ANO3: variants seen among roughly 807,000 people sequenced by gnomAD.
The protein encoded by ANO3 is anoctamin 3.
A neutral mutation model predicts 144.8 loss-of-function variants in ANO3; 99 were observed. The ratio of observed to expected loss-of-function variants is 0.68; its 90% CI spans 0.58 to 0.81. The LOEUF is 0.81. Among genes scored for constraint, ANO3 ranks in the 30% least tolerant of loss-of-function variants. The pLI is 0.00. For missense variants in ANO3, 905 were observed against 1,202.2 expected (o/e 0.75, Z 3.66); for synonymous variants, 414 against 392.6 (o/e 1.05, Z -0.64).
At chr11:26,363,419 G>A (rs1855979126) in intron 1 of ANO3, among the ~76,000 whole-genome samples, 1 of 151,918 alleles carries the variant, frequency 6.6e-6, no homozygotes, top group Non-Finnish European at 1.5e-5. Context: ...GGTTTCTCTG[G>A]GGGCCTCTCT....
At chr11:26,630,343 T>G (rs1452144344) in intron 18 of ANO3, among the ~76,000 whole-genome samples, 1 of 152,242 alleles carries the variant, frequency 6.6e-6, no homozygotes, top group Non-Finnish European at 1.5e-5. Context: ...CAATTTGGAG[T>G]ACTTTACATC....
chr11:26,601,260 TTGATACTCA>T (rs1323675602), intron 17 of ANO3, among the ~76,000 whole-genome samples: 3 of 152,336 alleles, frequency 2.0e-5, no homozygotes, highest in African/African-American at 7.2e-5. Flanking sequence ...CCAAATGTGA[TTGATACTCA>T]TGTTACTTGT....
At chr11:26,491,291 T>G in intron 4 of ANO3, among the ~76,000 whole-genome samples, 1 of 152,172 alleles carries the variant, frequency 6.6e-6, no homozygotes, top group East Asian at 1.9e-4. Flanking sequence ...TTTTGATAAC[T>G]CTCTAATTTG....
At chr11:26,552,769 G>T (rs976101718) in intron 12 of ANO3, among the ~76,000 whole-genome samples, 2 of 151,936 alleles carry the variant, frequency 1.3e-5, no homozygotes, top group African/African-American at 2.4e-5. Flanking sequence ...ACATAAAAAA[G>T]CAATTATTTT....
chr11:26,542,182 C>T (rs909211601), intron 11 of ANO3, 114 bp downstream of exon 11: 3 of 1,180,642 alleles, frequency 2.5e-6, no homozygotes, highest in Non-Finnish European at 2.3e-6. Flanking sequence ...AAAAAAGCAA[C>T]CACTATAAGA....
At chr11:26,391,939 C>G (rs991690745) in intron 1 of ANO3, among the ~76,000 whole-genome samples, 4 of 152,038 alleles carry the variant, frequency 2.6e-5, no homozygotes, top group African/African-American at 9.7e-5. Context: ...ATTTTGATGT[C>G]TCAGTCATAA....
rs200670635 is a variant in ANO3 at position 26,430,686 on chromosome 11, GA to G, written c.47-11225del. Among the ~76,000 whole-genome samples the G allele has an allele frequency of 5.3e-5, 8 of 151,976 alleles. No individual in the cohort carries two copies. The South Asian group carries it at 1.2e-3, about 24-fold the overall frequency. Reference sequence around the variant, plus strand: ...ATACATAAAGTACTGCTCCTTTGGGGAAAAAAATCAATGAAATAGACAAACC... The same window carrying G: ...ATACATAAAGTACTGCTCCTTTGGGGAAAAAATCAATGAAATAGACAAACC... On this transcript the variant is annotated intron_variant, in intron 1 of 26. Transcript: ENST00000256737.
intron 1 of ANO3, among the ~76,000 whole-genome samples, chr11:26,227,065 A>G (rs1590203945): frequency 6.6e-6 from 1 of 152,090 alleles, no homozygotes; most frequent in Non-Finnish European, 1.5e-5. Flanking sequence ...TCCTTTTGTG[A>G]CTGGCTGTTT....
intron 1 of ANO3, among the ~76,000 whole-genome samples, chr11:26,407,942 CT>C (rs993793873): frequency 6.6e-6 from 1 of 151,876 alleles, no homozygotes; most frequent in Non-Finnish European, 1.5e-5. Flanking sequence ...CCCATTTTAT[CT>C]GGTTAATTCC....
intron 17 of ANO3, among the ~76,000 whole-genome samples, chr11:26,611,915 T>C (rs899125402): frequency 1.3e-5 from 2 of 152,146 alleles, no homozygotes; most frequent in African/African-American, 4.8e-5. Flanking sequence ...CTCATATAAG[T>C]ATGGCTATTC....
chr11:26,585,193 A>G (rs1851241520), intron 14 of ANO3, among the ~76,000 whole-genome samples: 1 of 152,172 alleles, frequency 6.6e-6, no homozygotes, highest in South Asian at 2.1e-4. Flanking sequence ...ATTTCTTTGT[A>G]CAATGTCTAC....
chr11:26,609,174 G>A (rs1459654477), intron 17 of ANO3, among the ~76,000 whole-genome samples: 1 of 152,084 alleles, frequency 6.6e-6, no homozygotes, highest in African/African-American at 2.4e-5. Context: ...TTGGCTGGGG[G>A]CATGGAGGCT....
chr11:26,352,942 C>T (rs1855685112), intron 1 of ANO3, among the ~76,000 whole-genome samples: 1 of 152,122 alleles, frequency 6.6e-6, no homozygotes, highest in Non-Finnish European at 1.5e-5. Context: ...GATATGAACT[C>T]GACCCCCTCT....
At chr11:26,329,323 CACACAG>C (rs1311694620), upstream of ANO3, among the ~76,000 whole-genome samples, 4 of 80,238 alleles carry the variant, frequency 5.0e-5, no homozygotes, top group South Asian at 5.8e-4. Flanking sequence ...CACACACACA[CACACAG>C]AGAGAGAGAG....
chr11:26,227,230 A>G (rs1383276785), intron 1 of ANO3, among the ~76,000 whole-genome samples: 5 of 152,136 alleles, frequency 3.3e-5, no homozygotes, highest in African/African-American at 1.2e-4. Flanking sequence ...ACTTTGGGCT[A>G]TTGTGAATAA....
intron 14 of ANO3, among the ~76,000 whole-genome samples, chr11:26,569,961 T>C (rs1850755176): frequency 1.3e-5 from 2 of 151,918 alleles, no homozygotes; most frequent in South Asian, 4.2e-4. Flanking sequence ...ATCTGGGTGG[T>C]AGCTCCTAAG....
intron 1 of ANO3, among the ~76,000 whole-genome samples, chr11:26,373,717 C>T (rs530670878): frequency 5.3e-5 from 8 of 152,230 alleles, no homozygotes; most frequent in Admixed American, 3.3e-4. Flanking sequence ...CACAGTCCCA[C>T]ACACAAAGAC....
At chr11:26,504,013 C>T (rs1489667391) in intron 4 of ANO3, among the ~76,000 whole-genome samples, 1 of 152,142 alleles carries the variant, frequency 6.6e-6, no homozygotes, top group Admixed American at 6.6e-5. Flanking sequence ...TCAGTTGATT[C>T]CGTTTACCGC....
intron 1 of ANO3, among the ~76,000 whole-genome samples, chr11:26,356,804 G>A (rs1471315204): frequency 1.3e-5 from 2 of 152,104 alleles, no homozygotes; most frequent in African/African-American, 4.8e-5. Context: ...TCAACTTCTA[G>A]TGGCTGCCTG....
Sources: allele counts gnomAD v4.1 joint callset (sites outside exome capture counted in the v4.1 genomes callset), GRCh38; gene constraint gnomAD v4.1.1; transcripts MANE v1.5; gene names NCBI Gene and HGNC (gene_info 2026-07-23, HGNC 2026-07-21).